The following STPG2 variants were observed in gnomAD, a reference collection of about 807,000 sequenced individuals.
STPG2 encodes the protein sperm-tail PG-rich repeat-containing protein 2.
In STPG2, 56 loss-of-function variants were observed where a neutral mutation model predicts 54.2. The observed-to-expected ratio is 1.03, with a 90% CI of 0.83 to 1.29. The LOEUF (loss-of-function observed/expected upper bound fraction) is 1.29, where lower values mean the gene tolerates loss of function less well. Ranked by LOEUF, STPG2 falls within the 50% of genes most tolerant of loss-of-function variation. STPG2 has a pLI of 0.00. For missense variants in STPG2, 596 were observed against 544.9 expected (o/e 1.09, Z -0.93); for synonymous variants, 200 against 181.8 (o/e 1.10, Z -0.81).
At chr4:97,870,205 A>G (rs1406591170) in intron 8 of STPG2, among the ~76,000 whole-genome samples, 1 of 151,554 alleles carries the variant, frequency 6.6e-6, no homozygotes, top group Non-Finnish European at 1.5e-5. Context: ...TAGCTAAAGG[A>G]ATATCTAAGC....
At chr4:97,981,572 T>C (rs1734676454) in intron 5 of STPG2, among the ~76,000 whole-genome samples, 1 of 151,946 alleles carries the variant, frequency 6.6e-6, no homozygotes, top group African/African-American at 2.4e-5. Context: ...TAGAAGAAAA[T>C]AATCTCAACA....
At chr4:97,605,965 A>G (rs993231400) in intron 10 of STPG2, among the ~76,000 whole-genome samples, 3 of 151,894 alleles carry the variant, frequency 2.0e-5, no homozygotes, top group Admixed American at 2.0e-4. Context: ...TAGGTGTCAT[A>G]AAGCCTCCTG....
intron 4 of STPG2, among the ~76,000 whole-genome samples, chr4:97,534,107 G>A (rs1437601432): frequency 2.0e-5 from 3 of 152,006 alleles, no homozygotes; most frequent in Non-Finnish European, 2.9e-5. Context: ...ATATAAGTGG[G>A]TGTATAATGG....
intron 4 of STPG2, among the ~76,000 whole-genome samples, chr4:97,475,258 T>C (rs1196037325): frequency 6.6e-6 from 1 of 151,848 alleles, no homozygotes; most frequent in East Asian, 1.9e-4. Context: ...GAAAACAGTA[T>C]ATAATTGTTT....
intron 10 of STPG2, among the ~76,000 whole-genome samples, chr4:97,627,280 C>T (rs1316593828): frequency 1.3e-5 from 2 of 152,136 alleles, no homozygotes; most frequent in East Asian, 3.8e-4. Context: ...TAAAAGATCA[C>T]TGATCTTCTA....
At chr4:97,480,339 T>G (rs534692451) in intron 4 of STPG2, among the ~76,000 whole-genome samples, 2 of 151,288 alleles carry the variant, frequency 1.3e-5, no homozygotes, top group Non-Finnish European at 3.0e-5. Flanking sequence ...AAACAAAAAA[T>G]GAAATGGGAG....
At chr4:97,778,986 A>G (rs10015315) in intron 9 of STPG2, among the ~76,000 whole-genome samples, 40,492 of 152,146 alleles carry the variant, frequency 0.27, 5,804 homozygotes, top group Middle Eastern at 0.37. Flanking sequence ...GGGGAAAAAA[A>G]CAGAGTAGAA....
intron 5 of STPG2, among the ~76,000 whole-genome samples, chr4:97,986,877 G>A (rs1188461216): frequency 2.0e-5 from 3 of 152,084 alleles, no homozygotes; most frequent in Non-Finnish European, 4.4e-5. Flanking sequence ...AATGGCTGTA[G>A]ACCATTACCT....
intron 8 of STPG2, among the ~76,000 whole-genome samples, chr4:97,909,315 A>C (rs1202202017): frequency 2.0e-5 from 3 of 152,092 alleles, no homozygotes; most frequent in African/African-American, 7.2e-5. Flanking sequence ...TTCTAAATCT[A>C]CCAAATCTAC....
intron 3 of STPG2, among the ~76,000 whole-genome samples, chr4:98,115,035 A>G (rs1332388500): frequency 6.6e-6 from 1 of 151,994 alleles, no homozygotes; most frequent in African/African-American, 2.4e-5. Flanking sequence ...CAAATAAAAT[A>G]TGACTTAATT....
intron 4 of STPG2, among the ~76,000 whole-genome samples, chr4:97,543,293 G>A (rs1335313554): frequency 6.6e-6 from 1 of 151,684 alleles, no homozygotes; most frequent in Non-Finnish European, 1.5e-5. Context: ...AAATTTTTCT[G>A]ACTTATTATT....
chr4:97,842,193 G>A (rs999528436), intron 8 of STPG2, among the ~76,000 whole-genome samples: 2 of 151,664 alleles, frequency 1.3e-5, no homozygotes, highest in Admixed American at 6.6e-5. Flanking sequence ...CTAGGGGAGG[G>A]GATTCTTACA....
At chr4:98,028,505 C>T (rs1736497912) in intron 5 of STPG2, among the ~76,000 whole-genome samples, 1 of 152,156 alleles carries the variant, frequency 6.6e-6, no homozygotes, top group Non-Finnish European at 1.5e-5. Flanking sequence ...TAATGTCTTC[C>T]TCATTTTCTT....
At chr4:98,092,470 A>G (rs1738721306) in intron 5 of STPG2, among the ~76,000 whole-genome samples, 1 of 152,100 alleles carries the variant, frequency 6.6e-6, no homozygotes, top group Non-Finnish European at 1.5e-5. Context: ...TATAAAGCCA[A>G]GTAACCAGAT....
At chr4:97,815,654 T>C (rs567632343) in intron 9 of STPG2, among the ~76,000 whole-genome samples, 1 of 152,268 alleles carries the variant, frequency 6.6e-6, no homozygotes, top group Admixed American at 6.5e-5. Context: ...GAAGGGTAAA[T>C]ATCACTCAGG....
chr4:97,548,830 T>A (rs566139569), intron 4 of STPG2, among the ~76,000 whole-genome samples: 2 of 152,332 alleles, frequency 1.3e-5, no homozygotes, highest in Admixed American at 1.3e-4. Flanking sequence ...AAATTTCATA[T>A]TTTTATTTAC....
At chr4:97,909,201 C>A (rs1473796384) in intron 8 of STPG2, among the ~76,000 whole-genome samples, 2 of 151,414 alleles carry the variant, frequency 1.3e-5, no homozygotes, top group Non-Finnish European at 2.9e-5. Context: ...ATCCTAGAAA[C>A]ATTAAAAATA....
At chr4:97,521,672 C>A (rs926489363) in intron 4 of STPG2, among the ~76,000 whole-genome samples, 4 of 151,912 alleles carry the variant, frequency 2.6e-5, no homozygotes, top group Non-Finnish European at 4.4e-5. Flanking sequence ...CAGAAATACA[C>A]CTATGAAGTA....
At chr4:98,062,273 A>G (rs1286493892) in intron 5 of STPG2, among the ~76,000 whole-genome samples, 1 of 152,108 alleles carries the variant, frequency 6.6e-6, no homozygotes, top group African/African-American at 2.4e-5. Context: ...GAAGCAAACA[A>G]CAGACACTGC....
Sources: gnomAD v4.1 joint callset for allele counts (sites outside exome capture counted in the v4.1 genomes callset) on GRCh38, gnomAD v4.1.1 for gene constraint, MANE v1.5 for transcripts, NCBI Gene and HGNC (gene_info 2026-07-23, HGNC 2026-07-21) for gene names.